PRKG1: variants seen among roughly 807,000 people sequenced by gnomAD.
PRKG1 encodes the protein cGMP-dependent protein kinase 1.
A neutral mutation model predicts 88.1 loss-of-function variants in PRKG1; 35 were observed. The ratio of observed to expected loss-of-function variants is 0.40; its 90% confidence interval spans 0.30 to 0.53. The LOEUF is 0.53. Ranked by LOEUF, PRKG1 falls within the 20% of genes least tolerant of loss-of-function variation. PRKG1 has a pLI of 0.59. For synonymous variants in PRKG1, 303 were observed against 292.5 expected (o/e 1.04, Z -0.37); for missense variants, 540 against 839.8 (o/e 0.64, Z 4.41).
chr10:51,468,821 C>T (rs1264729421), intron 3 of PRKG1, among the ~76,000 whole-genome samples: 1 of 151,580 alleles, frequency 6.6e-6, no homozygotes, highest in African/African-American at 2.4e-5. Context: ...AGAAGTACAG[C>T]ATATAACTGA....
chr10:52,128,209 G>A, intron 7 of PRKG1: 6 of 985,408 alleles, frequency 6.1e-6, no homozygotes, highest in Non-Finnish European at 4.8e-6. Flanking sequence ...CTGGAGTAGT[G>A]TCGAGTTTCC....
intron 4 of PRKG1, among the ~76,000 whole-genome samples, chr10:51,879,981 A>G (rs1190309906): frequency 6.6e-6 from 1 of 152,210 alleles, no homozygotes; most frequent in African/African-American, 2.4e-5. Flanking sequence ...CTTTACATGG[A>G]GCAGAATGTA....
chr10:51,589,409 A>C lies in PRKG1; in HGVS notation c.592+121573A>C, dbSNP rs972829417. On this transcript the variant is annotated intron_variant, in intron 3 of 17. Transcript: ENST00000373980. ...GAGGCTGAGGAGGGTGTATCACCTG[A>C]GGTCAGGTTTTTGAGACCAACCTAG... Among the ~76,000 whole-genome samples the C allele has an allele frequency of 1.3e-4, 20 of 152,324 alleles. No individual in the cohort carries two copies. In the East Asian group the frequency reaches 3.7e-3, roughly 28 times the overall value.
chr10:51,259,439 G>A (rs1360972048), intron 2 of PRKG1, among the ~76,000 whole-genome samples: 1 of 152,118 alleles, frequency 6.6e-6, no homozygotes, highest in Non-Finnish European at 1.5e-5. Flanking sequence ...CACCTCTACA[G>A]TAACCCTATG....
At chr10:51,381,882 T>G (rs1837114766) in intron 2 of PRKG1, among the ~76,000 whole-genome samples, 1 of 152,194 alleles carries the variant, frequency 6.6e-6, no homozygotes, top group South Asian at 2.1e-4. Context: ...TGCTGAGAGC[T>G]GTATTACCTT....
chr10:52,276,602 A>T (rs73348714), intron 12 of PRKG1, among the ~76,000 whole-genome samples: 1,825 of 152,212 alleles, frequency 0.012, 34 homozygotes, highest in African/African-American at 0.042. Context: ...ACCCATCCCC[A>T]AAGAGGGCAT....
intron 3 of PRKG1, among the ~76,000 whole-genome samples, chr10:51,543,420 T>C (rs1842364007): frequency 1.3e-5 from 2 of 152,206 alleles, no homozygotes; most frequent in African/African-American, 4.8e-5. Flanking sequence ...GTGAGGGTGA[T>C]GTTTGAAAAC....
intron 7 of PRKG1, among the ~76,000 whole-genome samples, chr10:52,108,673 C>A (rs949832070): frequency 6.6e-6 from 1 of 152,128 alleles, no homozygotes; most frequent in Admixed American, 6.5e-5. Flanking sequence ...GTTCATTCTA[C>A]AGCTTATATT....
rs187704159 is a variant in PRKG1, at chr10:51,386,713, G to A, written c.479-81010G>A. ...ACCCTCAGAGACACACCCAAAAAAT[G>A]TTTGATCAATTGTCTAGGCATCCCA... On this transcript the variant is annotated intron_variant, in intron 2 of 17. Coordinates refer to ENST00000373980, the MANE Select transcript of PRKG1 (RefSeq NM_006258.4). Among the ~76,000 whole-genome samples, 29 of 152,220 alleles carry A rather than the reference G, an allele frequency of 1.9e-4. No individual in the cohort carries two copies. The East Asian group carries it at 4.4e-3, about 23-fold the overall frequency.
intron 7 of PRKG1, among the ~76,000 whole-genome samples, chr10:52,071,518 A>G (rs1018242111): frequency 2.6e-5 from 4 of 151,982 alleles, no homozygotes; most frequent in Non-Finnish European, 4.4e-5. Context: ...TTTTTGCTGT[A>G]TGTCTTCAGA....
intron 5 of PRKG1, among the ~76,000 whole-genome samples, chr10:52,007,001 C>T (rs768114705): frequency 2.6e-5 from 4 of 152,090 alleles, no homozygotes; most frequent in African/African-American, 4.8e-5. Context: ...AAATTCCAAC[C>T]GGGAATTCCA....
At chr10:51,906,876 C>A (rs893034781) in intron 4 of PRKG1, among the ~76,000 whole-genome samples, 1 of 152,126 alleles carries the variant, frequency 6.6e-6, no homozygotes, top group African/African-American at 2.4e-5. Context: ...CAATTTCTTT[C>A]AGGGTATGCT....
chr10:51,339,231 A>ATAT (rs1490262746), intron 2 of PRKG1, among the ~76,000 whole-genome samples: 3 of 152,156 alleles, frequency 2.0e-5, no homozygotes, highest in African/African-American at 7.2e-5. Flanking sequence ...TGAGCTTATA[A>ATAT]AGTACTTGCT....
At chr10:51,251,686 G>A (rs953671869) in intron 2 of PRKG1, among the ~76,000 whole-genome samples, 1 of 151,774 alleles carries the variant, frequency 6.6e-6, no homozygotes, top group Non-Finnish European at 1.5e-5. Flanking sequence ...TCCTTGGGAA[G>A]AGGTAACATA....
chr10:51,981,117 GC>G (rs1474929368), intron 5 of PRKG1, among the ~76,000 whole-genome samples: 1 of 152,062 alleles, frequency 6.6e-6, no homozygotes, highest in African/African-American at 2.4e-5. Flanking sequence ...TTTTTTAGTG[GC>G]CAGTAATGGT....
At chr10:51,190,098 A>C (rs60965856) in intron 2 of PRKG1, among the ~76,000 whole-genome samples, 8,080 of 152,066 alleles carry the variant, frequency 0.053, 404 homozygotes, top group African/African-American at 0.13. Context: ...ACTTGAGTTC[A>C]TACGTAACAA....
At chr10:51,255,693 G>T (rs191457304) in intron 2 of PRKG1, among the ~76,000 whole-genome samples, 3 of 152,172 alleles carry the variant, frequency 2.0e-5, no homozygotes, top group Admixed American at 2.0e-4. Flanking sequence ...AACTTCCCAG[G>T]TGCTTCCCAG....
At chr10:51,751,179 G>C (rs1837715386) in intron 3 of PRKG1, among the ~76,000 whole-genome samples, 1 of 152,134 alleles carries the variant, frequency 6.6e-6, no homozygotes, top group African/African-American at 2.4e-5. Flanking sequence ...AGGCCCCTCA[G>C]ATGTAGGATT....
intron 3 of PRKG1, among the ~76,000 whole-genome samples, chr10:51,588,763 G>T (rs35752468): frequency 6.6e-6 from 1 of 151,912 alleles, no homozygotes; most frequent in Admixed American, 6.6e-5. Context: ...AATCCGAAAG[G>T]TTTCTTTGAT....
Sources: gnomAD v4.1 joint callset for allele counts (sites outside exome capture counted in the v4.1 genomes callset) on GRCh38, gnomAD v4.1.1 for gene constraint, MANE v1.5 for transcripts, NCBI Gene and HGNC (gene_info 2026-07-23, HGNC 2026-07-21) for gene names.